The following ESR1 variants were observed in gnomAD, a reference collection of about 807,000 sequenced individuals.
The protein encoded by ESR1 is estrogen receptor 1.
A neutral mutation model predicts 52.7 loss-of-function variants in ESR1; 12 were observed. That is an observed-to-expected ratio of 0.23 (90% CI 0.15 to 0.37). The LOEUF is 0.37. ESR1 is among the 10% of genes least tolerant of loss of function. ESR1 has a pLI of 1.00. For missense variants in ESR1, 584 were observed against 779.7 expected, an observed-to-expected ratio of 0.75 and a Z score of 2.99; for synonymous variants, 305 against 316.8, an observed-to-expected ratio of 0.96 and a Z score of 0.39.
intron 2 of ESR1, among the ~76,000 whole-genome samples, chr6:151,796,554 A>G (rs1478777014): frequency 6.6e-6 from 1 of 152,226 alleles, no homozygotes; most frequent in East Asian, 1.9e-4. Flanking sequence ...TGGCATTTGT[A>G]AAACACTTGA....
chr6:151,819,802 C>T (rs1423601157), intron 1 of ESR1, among the ~76,000 whole-genome samples: 1 of 152,154 alleles, frequency 6.6e-6, no homozygotes, highest in Non-Finnish European at 1.5e-5. Context: ...AATTGTCTTC[C>T]ATGAAACCGG....
intron 3 of ESR1, among the ~76,000 whole-genome samples, chr6:151,930,767 T>C (rs983919411): frequency 1.4e-4 from 22 of 152,220 alleles, no homozygotes; most frequent in Admixed American, 1.4e-3. Flanking sequence ...TTTTTTAATA[T>C]TTCCTTCACT....
chr6:151,844,951 G>T (rs1037586270), intron 2 of ESR1, among the ~76,000 whole-genome samples: 3 of 152,012 alleles, frequency 2.0e-5, no homozygotes, highest in Non-Finnish European at 4.4e-5. Flanking sequence ...GTATGAGAAA[G>T]ATAAGGAAAA....
At chr6:151,700,472 T>C (rs370282852) in intron 1 of ESR1, among the ~76,000 whole-genome samples, 3 of 152,164 alleles carry the variant, frequency 2.0e-5, no homozygotes, top group East Asian at 1.9e-4. Flanking sequence ...AATTTGGTTT[T>C]CTAAAAACAC....
At chr6:151,864,210 T>A (rs1182867584) in intron 2 of ESR1, among the ~76,000 whole-genome samples, 1 of 151,996 alleles carries the variant, frequency 6.6e-6, no homozygotes, top group African/African-American at 2.4e-5. Context: ...AGGGCTAATA[T>A]CCAGAATCTA....
intron 3 of ESR1, among the ~76,000 whole-genome samples, chr6:151,919,287 T>C (rs1282609070): frequency 6.6e-6 from 1 of 152,216 alleles, no homozygotes; most frequent in Admixed American, 6.5e-5. Context: ...ATTTGTGTTA[T>C]ATTCAGTGTT....
chr6:151,791,256 G>C (rs1776120742), intron 2 of ESR1, among the ~76,000 whole-genome samples: 1 of 152,168 alleles, frequency 6.6e-6, no homozygotes, highest in Non-Finnish European at 1.5e-5. Context: ...TCATGGGAGG[G>C]ATCCAGTCGG....
At chr6:152,073,144 G>T (rs1585113189) in intron 6 of ESR1, among the ~76,000 whole-genome samples, 2 of 152,236 alleles carry the variant, frequency 1.3e-5, no homozygotes, top group South Asian at 4.2e-4. Context: ...AAAATGGCCA[G>T]CCTTGAAGAG....
At chr6:152,077,448 C>T (rs1210101852) in intron 6 of ESR1, among the ~76,000 whole-genome samples, 1 of 152,188 alleles carries the variant, frequency 6.6e-6, no homozygotes, top group Non-Finnish European at 1.5e-5. Context: ...CACAGAGTCC[C>T]CACTGGGGCA....
At chr6:151,999,772 A>G (rs1334252154) in intron 4 of ESR1, among the ~76,000 whole-genome samples, 3 of 152,110 alleles carry the variant, frequency 2.0e-5, no homozygotes, top group Admixed American at 6.6e-5. Flanking sequence ...AGGGGCTCTT[A>G]CCCTGGGGTC....
intron 6 of ESR1, among the ~76,000 whole-genome samples, chr6:152,088,109 T>C (rs1190092904): frequency 6.6e-6 from 1 of 152,182 alleles, no homozygotes; most frequent in Non-Finnish European, 1.5e-5. Context: ...ATGTAATGTA[T>C]TTTATAACCA....
At chr6:151,934,050 C>G (rs767300037) in intron 3 of ESR1, among the ~76,000 whole-genome samples, 12 of 152,186 alleles carry the variant, frequency 7.9e-5, no homozygotes, top group Non-Finnish European at 1.8e-4. Flanking sequence ...ATGCAAAGCT[C>G]TCACCTTAGC....
intron 6 of ESR1, among the ~76,000 whole-genome samples, chr6:152,083,914 A>G (rs2049458905): frequency 6.6e-6 from 1 of 152,192 alleles, no homozygotes; most frequent in Non-Finnish European, 1.5e-5. Context: ...CAGTGATCTC[A>G]TTAGTGGGTA....
At chr6:151,713,751 C>T (rs1278126862) in intron 2 of ESR1, among the ~76,000 whole-genome samples, 1 of 152,052 alleles carries the variant, frequency 6.6e-6, no homozygotes, top group African/African-American at 2.4e-5. Flanking sequence ...GTCTGGCTAG[C>T]AGTCTATCTA....
intron 4 of ESR1, among the ~76,000 whole-genome samples, chr6:151,963,438 G>T (rs143690129): frequency 6.6e-6 from 1 of 152,294 alleles, no homozygotes; most frequent in Non-Finnish European, 1.5e-5. Context: ...ACCACAGTTG[G>T]TATCCCAAAG....
At chr6:151,973,989 T>C (rs1243868015) in intron 4 of ESR1, among the ~76,000 whole-genome samples, 1 of 152,200 alleles carries the variant, frequency 6.6e-6, no homozygotes, top group Non-Finnish European at 1.5e-5. Context: ...TTAGCCTTTG[T>C]GAGTATTTGG....
chr6:151,828,999 G>T lies in ESR1; in HGVS notation c.453-13598G>T, dbSNP rs185276610. ...CCCAGAAGATTTAGTTTTAACTTTC[G>T]CATCAAAGAGGTCCCTTAGCATCTG... is the stretch of plus-strand genomic sequence containing the variant. On this transcript the variant is annotated intron_variant, in intron 1 of 7. Coordinates refer to ENST00000206249, the MANE Select transcript of ESR1 (RefSeq NM_000125.4). 2.9e-3 allele frequency among the ~76,000 whole-genome samples: 434 copies of T among 152,280 alleles called. 1 individual carries two copies. Among genetic ancestry groups the T allele is most frequent in the African/African-American group, 9.8e-3 (406 of 41,562 alleles).
intron 3 of ESR1, among the ~76,000 whole-genome samples, chr6:151,885,029 G>T (rs1339990137): frequency 6.6e-6 from 1 of 151,914 alleles, no homozygotes; most frequent in Non-Finnish European, 1.5e-5. Flanking sequence ...GCGCGGGGGT[G>T]GGGGGTCTCT....
Position 152,017,290 on chromosome 6 carries a change from A to G in ESR1, c.1235+5496A>G, listed in dbSNP as rs993253058. On this transcript the variant is annotated intron_variant, in intron 5 of 7. Coordinates refer to ENST00000206249, the MANE Select transcript of ESR1 (RefSeq NM_000125.4). ...TTAGTTTATAACTTTCCTAGTAGTC[A>G]TATGCTTATAGGCCAATTTTATCCT... 3.3e-5 allele frequency among the ~76,000 whole-genome samples: 5 copies of G among 152,312 alleles called. No individual in the cohort carries two copies. The South Asian group carries it at 6.2e-4, about 19-fold the overall frequency.
Sources: allele counts gnomAD v4.1 joint callset (sites outside exome capture counted in the v4.1 genomes callset), GRCh38; gene constraint gnomAD v4.1.1; transcripts MANE v1.5; gene names NCBI Gene and HGNC (gene_info 2026-07-23, HGNC 2026-07-21).